GOLGA4: variants seen among roughly 807,000 people sequenced by gnomAD.
GOLGA4 encodes the protein golgin A4.
In GOLGA4, 169 loss-of-function variants were observed where a neutral mutation model predicts 265.9. The ratio of observed to expected loss-of-function variants is 0.64; its 90% CI spans 0.56 to 0.72. The LOEUF is 0.72. GOLGA4 is among the 30% of genes least tolerant of loss of function. GOLGA4 has a pLI of 0.00. For synonymous variants in GOLGA4, 923 were observed against 855.8 expected, an observed-to-expected ratio of 1.08 and a Z score of -1.37; for missense variants, 2,482 against 2,483.4, an observed-to-expected ratio of 1.00 and a Z score of 0.01.
Position 37,295,045 on chromosome 3 carries a change from A to G in GOLGA4, c.649A>G (p.Lys217Glu), listed in dbSNP as rs771738799. ...GGAGTTTGATGCATCTTTAGAGGAGAAAGATCAGTATATCAGTGTTCTCCA... is the reference window on the plus strand; with the variant it reads ...GGAGTTTGATGCATCTTTAGAGGAGGAAGATCAGTATATCAGTGTTCTCCA... ...QEEFDASLEE[K>E]DQYISVLQTQ... is the part of the protein sequence containing the mutation. The change falls in exon 6 of 24, where the codon AAA becomes GAA. Residue 217 changes from lysine to glutamate, a missense_variant. By Grantham distance (56) the Lys-to-Glu change is moderately conservative. This residue lies in a region of GOLGA4 where 1,536 missense variants were observed against 1,483.7 expected (regional missense o/e 1.04). Transcript: ENST00000361924. 2.5e-6 allele frequency: 4 copies of G among 1,606,958 alleles called. No homozygotes were observed. Among genetic ancestry groups the G allele is most frequent in the Non-Finnish European group, 3.4e-6 (4 of 1,174,404 alleles).
chr3:37,245,720 C>T (rs1578313615), intron 1 of GOLGA4, among the ~76,000 whole-genome samples: 1 of 151,970 alleles, frequency 6.6e-6, no homozygotes, highest in Non-Finnish European at 1.5e-5. Context: ...ACTTTGTGTA[C>T]GAAAGGTTTA....
At chr3:37,355,763 A>G (rs573978386) in intron 22 of GOLGA4, among the ~76,000 whole-genome samples, 1 of 152,186 alleles carries the variant, frequency 6.6e-6, no homozygotes, top group South Asian at 2.1e-4. Context: ...TGCCAAAGTT[A>G]TTTTTGCCCT....
intron 10 of GOLGA4, among the ~76,000 whole-genome samples, chr3:37,309,565 AAAC>A (rs779113731): frequency 1.5e-4 from 23 of 152,360 alleles, no homozygotes; most frequent in African/African-American, 4.6e-4. Flanking sequence ...CAAAACAAAC[AAAC>A]AACAACAACA....
chr3:37,251,335 A>T, intron 1 of GOLGA4, 60 bp from the exon 2 acceptor site: 1 of 998,452 alleles, frequency 1.0e-6, no homozygotes, highest in South Asian at 1.3e-5. Flanking sequence ...AGGACTACCT[A>T]GTTCATAGTT....
intron 2 of GOLGA4, among the ~76,000 whole-genome samples, chr3:37,269,573 T>G (rs906570987): frequency 6.6e-6 from 1 of 151,760 alleles, no homozygotes; most frequent in Admixed American, 6.6e-5. Context: ...GCATAAGGAA[T>G]GTGTTAGCCT....
chr3:37,314,653 A>G (rs1183911424), intron 10 of GOLGA4, among the ~76,000 whole-genome samples: 2 of 145,958 alleles, frequency 1.4e-5, no homozygotes, highest in Non-Finnish European at 3.0e-5. Context: ...ACACACACAC[A>G]CACACACACA....
Position 37,299,013 on chromosome 3 carries a change from A to C in GOLGA4, c.995A>C (p.Lys332Thr), listed in dbSNP as rs1314263633. 1.3e-6 allele frequency: 2 copies of C among 1,589,004 alleles called. No homozygotes were observed. Among genetic ancestry groups the C allele is most frequent in the Admixed American group, 1.9e-5 (1 of 53,120 alleles). Residue 332 changes from lysine (K) to threonine (T), a missense_variant, in exon 8 of 24, where the codon AAG becomes ACG. Physicochemically the swap from Lys to Thr is moderately conservative, Grantham distance 78 (BLOSUM62 -1). Around this residue, in one of 3 missense-constraint regions of GOLGA4, gnomAD observed 1,536 missense variants for 1,483.7 expected, o/e 1.04. Coordinates refer to ENST00000361924, the MANE Select transcript of GOLGA4 (RefSeq NM_002078.5). ...QLDERLQELEKIKDLHMAEKT... is the reference protein window; with the variant it reads ...QLDERLQELETIKDLHMAEKT... ...GATGAAAGACTTCAAGAACTAGAAA[A>C]GATAAAGGTAAAAGAGCAGATGAGT...
rs1221749612 is a variant in GOLGA4 at position 37,296,234 on chromosome 3, G to T, written c.814+15G>T. Reference sequence around the variant, plus strand: ...AGAGCCAGTAGGTAAGCTTCATTTTGTCAAAAGGTTAATTTAAAAACTAGA... The same window carrying T: ...AGAGCCAGTAGGTAAGCTTCATTTTTTCAAAAGGTTAATTTAAAAACTAGA... On this transcript the variant is annotated intron_variant, in intron 7 of 23. Coordinates refer to ENST00000361924, the MANE Select transcript of GOLGA4 (RefSeq NM_002078.5). 6.2e-7 allele frequency: 1 copy of T among 1,613,126 alleles called. No individual in the cohort carries two copies. Among genetic ancestry groups the T allele is most frequent in the East Asian group, 2.2e-5 (1 of 44,862 alleles).
intron 1 of GOLGA4, among the ~76,000 whole-genome samples, chr3:37,246,352 G>A (rs1052102176): frequency 2.0e-5 from 3 of 151,970 alleles, no homozygotes; most frequent in African/African-American, 7.3e-5. Context: ...ACCTATTTTG[G>A]ATTTTTAAAC....
At chr3:37,256,461 A>G (rs932659429) in intron 2 of GOLGA4, among the ~76,000 whole-genome samples, 2 of 151,420 alleles carry the variant, frequency 1.3e-5, no homozygotes, top group African/African-American at 4.9e-5. Context: ...TAAAAGCAAA[A>G]CTCCATCTCA....
At chr3:37,328,130 A>G (rs548075639) in intron 14 of GOLGA4, among the ~76,000 whole-genome samples, 1 of 151,966 alleles carries the variant, frequency 6.6e-6, no homozygotes, top group South Asian at 2.1e-4. Flanking sequence ...CATTATTATT[A>G]TATAACATAG....
intron 12 of GOLGA4, chr3:37,321,446 A>G (rs1297747731): frequency 3.8e-6 from 1 of 264,650 alleles, no homozygotes; most frequent in East Asian, 7.1e-5. Flanking sequence ...ATGACCTTTC[A>G]CATTCAGCAG....
intron 23 of GOLGA4, among the ~76,000 whole-genome samples, chr3:37,365,418 A>G (rs1034858399): frequency 6.6e-6 from 1 of 152,116 alleles, no homozygotes; most frequent in Admixed American, 6.5e-5. Flanking sequence ...TACAAGCACC[A>G]CCACGGCCGG....
In GOLGA4 at chr3:37,325,445, A is replaced by C; in HGVS notation, c.3559A>C (p.Ser1187Arg). ...KLKTTDEEFQ[S>R]LKSSHEKSNK... ...GAAAACCACAGATGAAGAATTCCAG[A>C]GTTTGAAATCTTCACATGAAAAAAG... Residue 1187 changes from serine to arginine, a missense_variant, in exon 14 of 24, where the codon AGT (serine) becomes CGT (arginine). Around this residue, in one of 3 missense-constraint regions of GOLGA4, gnomAD observed 1,536 missense variants for 1,483.7 expected, o/e 1.04. Transcript: ENST00000361924. The C allele has an allele frequency of 6.2e-7, 1 of 1,610,618 alleles. No homozygotes were observed. The highest frequency in any genetic ancestry group is 8.5e-7 in the Non-Finnish European group (1 of 1,178,678).
rs1207244362 is a variant in GOLGA4 at position 37,327,365 on chromosome 3, G to C, written c.5479G>C (p.Ala1827Pro). ...AGAAGGAGGTAAAAATAACATACAG[G>C]CAAAGCAAAACTTGGAAAATGTGTT... is the stretch of plus-strand genomic sequence containing the variant. ...EKEGGKNNIQ[A>P]KQNLENVFDD... is the part of the protein sequence containing the mutation. Residue 1827 changes from alanine to proline, a missense_variant, in exon 14 of 24, where the codon GCA (alanine) becomes CCA (proline). Transcript: ENST00000361924. The C allele has an allele frequency of 6.2e-7, 1 of 1,613,766 alleles. No homozygotes were observed. The highest frequency in any genetic ancestry group is 8.5e-7 in the Non-Finnish European group (1 of 1,179,746).
intron 2 of GOLGA4, chr3:37,273,524 T>C (rs2096804641): frequency 6.9e-7 from 1 of 1,453,254 alleles, no homozygotes. Flanking sequence ...AATGTTTCTT[T>C]CTTTTTCTTA....
intron 2 of GOLGA4, among the ~76,000 whole-genome samples, chr3:37,265,520 G>T (rs1175445024): frequency 2.6e-5 from 4 of 152,024 alleles, no homozygotes; most frequent in Non-Finnish European, 4.4e-5. Context: ...TTAAGACTTT[G>T]TGTTCTTTAC....
At chr3:37,318,577 A>C (rs1455029232) in intron 11 of GOLGA4, among the ~76,000 whole-genome samples, 2 of 151,430 alleles carry the variant, frequency 1.3e-5, no homozygotes, top group Non-Finnish European at 2.9e-5. Context: ...TTTAATATAT[A>C]TTAACTTTTT....
In GOLGA4 at chr3:37,349,047, C is replaced by T. The variant is rs113733931; in HGVS notation, c.6576+1751C>T. On this transcript the variant is annotated intron_variant, in intron 21 of 23. Transcript: ENST00000361924. ...GTGTTGAGGAGTAGTGCTCTCTCTC[C>T]TCTTTATCTTCAGCGTCGATTCTCC... Among the ~76,000 whole-genome samples the T allele has an allele frequency of 3.4e-3, 519 of 152,260 alleles. 4 individuals are homozygous for T. Among genetic ancestry groups the T allele is most frequent in the African/African-American group, 0.012 (506 of 41,558 alleles).
Sources: gnomAD v4.1 joint callset for allele counts (sites outside exome capture counted in the v4.1 genomes callset) on GRCh38, gnomAD v4.1.1 for gene constraint, gnomAD v4.1.1 regional missense constraint, MANE v1.5 for transcripts, NCBI Gene and HGNC (gene_info 2026-07-23, HGNC 2026-07-21) for gene names.